The following ADGRB3 variants were observed in gnomAD, a reference collection of about 807,000 sequenced individuals.
The protein encoded by ADGRB3 is brain-specific angiogenesis inhibitor 3.
In ADGRB3, 37 loss-of-function variants were observed where a neutral mutation model predicts 193.4. That is an observed-to-expected ratio of 0.19 (90% confidence interval 0.15 to 0.25). ADGRB3 has a LOEUF of 0.25. Ranked by LOEUF, ADGRB3 falls within the 10% of genes least tolerant of loss-of-function variation. The pLI, the probability that ADGRB3 is intolerant of heterozygous loss-of-function variation, is 1.00. For synonymous variants in ADGRB3, 690 were observed against 644.2 expected (o/e 1.07, Z -1.08); for missense variants, 1,637 against 1,852.9 (o/e 0.88, Z 2.14).
At chr6:68,856,803 C>A (rs890999503) in intron 3 of ADGRB3, among the ~76,000 whole-genome samples, 2 of 152,190 alleles carry the variant, frequency 1.3e-5, no homozygotes, top group Non-Finnish European at 2.9e-5. Context: ...GGGAAAATGT[C>A]TCCAGGGCAT....
chr6:69,324,838 C>T, intron 20 of ADGRB3, 34 bp from the exon 21 acceptor site: 1 of 1,609,402 alleles, frequency 6.2e-7, no homozygotes, highest in Non-Finnish European at 8.5e-7. Context: ...CTCCCAGGTT[C>T]AGTGTGAGTC....
chr6:69,104,443 A>G (rs979819564), intron 17 of ADGRB3, among the ~76,000 whole-genome samples: 1 of 151,658 alleles, frequency 6.6e-6, no homozygotes, highest in Non-Finnish European at 1.5e-5. Context: ...TTATTGTTGG[A>G]CATTTGGGTT....
chr6:69,187,236 G>A (rs1765089902), intron 17 of ADGRB3, among the ~76,000 whole-genome samples: 1 of 151,984 alleles, frequency 6.6e-6, no homozygotes, highest in Non-Finnish European at 1.5e-5. Context: ...CGTTTTTAAC[G>A]AATTAATTTG....
chr6:68,875,023 C>T (rs1479590805), intron 3 of ADGRB3, among the ~76,000 whole-genome samples: 3 of 150,084 alleles, frequency 2.0e-5, no homozygotes, highest in African/African-American at 7.4e-5. Flanking sequence ...GAAGCATTTA[C>T]TTTCTTTCTT....
intron 3 of ADGRB3, among the ~76,000 whole-genome samples, chr6:68,661,868 G>T (rs1768670841): frequency 6.6e-6 from 1 of 151,098 alleles, no homozygotes; most frequent in African/African-American, 2.4e-5. Context: ...CCATGATGAG[G>T]CTTCTGCAGT....
At chr6:69,007,666 A>ATCTCTCTC (rs754438943) in intron 11 of ADGRB3, among the ~76,000 whole-genome samples, 1 of 140,630 alleles carries the variant, frequency 7.1e-6, no homozygotes, top group Non-Finnish European at 1.5e-5. Flanking sequence ...ATCTAAAGTA[A>ATCTCTCTC]TCTCTCTCTC....
chr6:68,943,909 G>A lies in ADGRB3; in HGVS notation c.1110G>A (p.Arg370=). The A allele has an allele frequency of 4.3e-6, 7 of 1,613,980 alleles. No homozygotes were observed. The highest frequency in any genetic ancestry group is 5.9e-6 in the Non-Finnish European group (7 of 1,179,896). The part of the protein sequence containing the change: ...TCGRGQRTRT[R]SCTPPQYGGR... ...GTCGAGGCCAAAGAACAAGAACAAG[G>A]TCATGCACACCTCCTCAGTATGGAG... The change falls in exon 6 of 32, where the codon AGG becomes AGA. Residue 370 remains arginine (R), a synonymous_variant. Coordinates refer to ENST00000370598, the MANE Select transcript of ADGRB3 (RefSeq NM_001704.3).
intron 8 of ADGRB3, among the ~76,000 whole-genome samples, chr6:68,968,658 CAGATT>C (rs1468264962): frequency 2.0e-5 from 3 of 151,280 alleles, no homozygotes; most frequent in African/African-American, 4.8e-5. Context: ...ATATGACAGT[CAGATT>C]AGATTAACTA....
At chr6:69,000,435 A>G (rs919438835) in intron 11 of ADGRB3, among the ~76,000 whole-genome samples, 5 of 152,104 alleles carry the variant, frequency 3.3e-5, no homozygotes, top group Non-Finnish European at 5.9e-5. Flanking sequence ...CTAACATTGA[A>G]CTCATAGCCG....
At chr6:68,660,152 T>C (rs1038965341) in intron 3 of ADGRB3, among the ~76,000 whole-genome samples, 5 of 150,796 alleles carry the variant, frequency 3.3e-5, no homozygotes, top group African/African-American at 1.2e-4. Flanking sequence ...AATGTCATAT[T>C]CAGCAGAAAT....
chr6:69,223,652 CTTTT>C (rs554027181), intron 17 of ADGRB3, among the ~76,000 whole-genome samples: 11 of 110,388 alleles, frequency 1.0e-4, no homozygotes, highest in African/African-American at 2.7e-4. Flanking sequence ...CTCTCTCTCT[CTTTT>C]TTTTTTTTTT....
Position 68,943,898 on chromosome 6 carries a change from A to G in ADGRB3, c.1099A>G (p.Thr367Ala). 6.2e-7 allele frequency: 1 copy of G among 1,613,960 alleles called. No individual in the cohort carries two copies. The highest frequency in any genetic ancestry group is 8.5e-7 in the Non-Finnish European group (1 of 1,179,878). ...CSFTCGRGQR[T>A]RTRSCTPPQY... ...ATTTACATGTGGTCGAGGCCAAAGA[A>G]CAAGAACAAGGTCATGCACACCTCC... Residue 367 changes from threonine to alanine, a missense_variant, in exon 6 of 32, where the codon ACA (threonine) becomes GCA (alanine). Coordinates refer to ENST00000370598, the MANE Select transcript of ADGRB3 (RefSeq NM_001704.3).
intron 20 of ADGRB3, 43 bp from the exon 21 acceptor site, chr6:69,324,829 T>C (rs779996879): frequency 2.5e-6 from 4 of 1,601,780 alleles, no homozygotes; most frequent in Non-Finnish European, 3.4e-6. Context: ...ATTTTCCCTC[T>C]CCCAGGTTCA....
At chr6:68,992,435 T>C (rs925522464) in intron 10 of ADGRB3, among the ~76,000 whole-genome samples, 2 of 152,276 alleles carry the variant, frequency 1.3e-5, no homozygotes, top group Middle Eastern at 3.4e-3. Flanking sequence ...GCCGTGTCTC[T>C]TTCATGAATA....
At chr6:69,035,758 G>T (rs1653927995) in intron 13 of ADGRB3, among the ~76,000 whole-genome samples, 1 of 152,090 alleles carries the variant, frequency 6.6e-6, no homozygotes, top group Admixed American at 6.6e-5. Context: ...AGTCAAGGTG[G>T]GCATGAGAAG....
At chr6:69,001,689 T>C (rs1392880210) in intron 11 of ADGRB3, among the ~76,000 whole-genome samples, 18 of 152,068 alleles carry the variant, frequency 1.2e-4, no homozygotes, top group Non-Finnish European at 2.6e-4. Flanking sequence ...TTGGAAAAAA[T>C]ACACACATAG....
chr6:69,266,959 G>A (rs1424478454), intron 20 of ADGRB3, among the ~76,000 whole-genome samples: 1 of 152,040 alleles, frequency 6.6e-6, no homozygotes, highest in African/African-American at 2.4e-5. Context: ...GCTCCGCAGT[G>A]TCCTTGCAGA....
At position 69,137,633 on chromosome 6, in the gene ADGRB3, C is replaced by T. The variant is rs987293540; in HGVS notation, c.2480+61595C>T. Among the ~76,000 whole-genome samples, 11 of 152,120 alleles carry T rather than the reference C, an allele frequency of 7.2e-5. No homozygotes were observed. In the South Asian group the frequency reaches 1.2e-3, roughly 17 times the overall value. On this transcript the variant is annotated intron_variant, in intron 17 of 31. Transcript: ENST00000370598. ...CCAATATGATGAAACCCCATCTCTA[C>T]TAAAAATACAAAAATTAGCCGGGCA... is the stretch of plus-strand genomic sequence containing the variant.
chr6:68,885,992 C>G lies in ADGRB3; in HGVS notation c.758-44567C>G, dbSNP rs577960902. On this transcript the variant is annotated intron_variant, in intron 3 of 31. Transcript: ENST00000370598. The stretch of plus-strand genomic sequence containing the variant: ...AATAAAACAACACAAAACAAAAAGA[C>G]AAGATTGGGTAATTATTTGGATATA... Among the ~76,000 whole-genome samples, 7 of 152,112 alleles carry G rather than the reference C, an allele frequency of 4.6e-5. No homozygotes were observed. The East Asian group carries it at 1.2e-3, about 25-fold the overall frequency.
Sources: allele counts gnomAD v4.1 joint callset (sites outside exome capture counted in the v4.1 genomes callset), GRCh38; gene constraint gnomAD v4.1.1; transcripts MANE v1.5; gene names NCBI Gene and HGNC (gene_info 2026-07-23, HGNC 2026-07-21).